RAB3B: variants seen among roughly 807,000 people sequenced by gnomAD.
The protein encoded by RAB3B is ras-related protein Rab-3B.
A neutral mutation model predicts 20.5 loss-of-function variants in RAB3B; 11 were observed. The ratio of observed to expected loss-of-function variants is 0.54; its 90% confidence interval spans 0.34 to 0.89. The LOEUF is 0.89. RAB3B is among the 40% of genes least tolerant of loss of function. The pLI is 0.02. For missense variants in RAB3B, 225 were observed against 280.9 expected, an observed-to-expected ratio of 0.80 and a Z score of 1.42; for synonymous variants, 99 against 106.3, an observed-to-expected ratio of 0.93 and a Z score of 0.42.
intron 2 of RAB3B, among the ~76,000 whole-genome samples, chr1:51,939,245 T>G (rs933668542): frequency 3.9e-5 from 6 of 152,252 alleles, no homozygotes; most frequent in Non-Finnish European, 7.3e-5. Context: ...TGCTTAAGCA[T>G]ATATAAAACA....
chr1:51,956,934 A>G (rs1684714941), intron 2 of RAB3B, among the ~76,000 whole-genome samples: 1 of 152,250 alleles, frequency 6.6e-6, no homozygotes, highest in African/African-American at 2.4e-5. Context: ...CCAGAAAGTC[A>G]AACTTCACAG....
At chr1:51,978,195 C>A (rs1685035562) in intron 1 of RAB3B, among the ~76,000 whole-genome samples, 1 of 152,202 alleles carries the variant, frequency 6.6e-6, no homozygotes, top group East Asian at 1.9e-4. Context: ...TTCATTCCTA[C>A]ATGTCTGGCT....
chr1:51,919,838 G>T lies in RAB3B; in HGVS notation c.*89C>A. Reference sequence around the variant, plus strand: ...GAGTGTGGGCAGTGTGTAACAGGGAGAGTGGGCTGAGAGCGGACAGTGTGT... The same window carrying T: ...GAGTGTGGGCAGTGTGTAACAGGGATAGTGGGCTGAGAGCGGACAGTGTGT... On this transcript the variant is annotated 3_prime_UTR_variant, in exon 5 of 5. Coordinates refer to ENST00000371655, the MANE Select transcript of RAB3B (RefSeq NM_002867.4). 2 of 1,306,276 alleles carry T rather than the reference G, an allele frequency of 1.5e-6. No homozygotes were observed. The highest frequency in any genetic ancestry group is 1.5e-5 in the South Asian group (1 of 68,564). 80.9% of individuals were successfully genotyped at this position (1,306,276 alleles called of 1,614,324 possible).
rs2124217631 is a variant in RAB3B at position 51,913,390 on chromosome 1, G to C, written c.*6537C>G. 6.6e-6 allele frequency: 1 copy of C among 152,196 alleles called. No homozygotes were observed. The highest frequency in any genetic ancestry group is 6.5e-5 in the Admixed American group (1 of 15,286). 9.4% of individuals were successfully genotyped at this position (152,196 alleles called of 1,614,324 possible). ...CTACCAGACTTAGTTTCAGAGGACT[G>C]AGGGTGCTTCCTGTGGTAGATTGAA... On this transcript the variant is annotated 3_prime_UTR_variant, in exon 5 of 5. Transcript: ENST00000371655.
Position 51,917,557 on chromosome 1 carries a change from AAGAG to A in RAB3B, c.*2366_*2369del, listed in dbSNP as rs1377943762. 2 of 152,020 alleles carry A rather than the reference AAGAG, an allele frequency of 1.3e-5. No individual in the cohort carries two copies. Among genetic ancestry groups the A allele is most frequent in the Non-Finnish European group, 1.5e-5 (1 of 68,004 alleles). The allele number at this position is 152,020 out of a possible 1,614,324, so 9.4% of individuals were successfully genotyped here. A position where few individuals can be genotyped will look rare whatever the true frequency, so the allele number is the denominator to read the frequency against. The stretch of plus-strand genomic sequence containing the variant: ...ACTCCTTTAAAAAAAAAAAGAGAGA[AAGAG>A]AGACAGAGAGACAGGGTCTTATTCT... On this transcript the variant is annotated 3_prime_UTR_variant, in exon 5 of 5. Transcript: ENST00000371655.
rs1684091774 is a variant in RAB3B at position 51,916,780 on chromosome 1, T to C, written c.*3147A>G. On this transcript the variant is annotated 3_prime_UTR_variant, in exon 5 of 5. Transcript: ENST00000371655. ...CCATGGGATCTGTTGCCTCAGAGAC[T>C]GACTCGCCTTTCCTGAGCATTAGAC... The C allele has an allele frequency of 6.6e-6, 1 of 152,256 alleles. No homozygotes were observed. The highest frequency in any genetic ancestry group is 6.5e-5 in the Admixed American group (1 of 15,286). 9.4% of individuals were successfully genotyped at this position (152,256 alleles called of 1,614,324 possible). A position where few individuals can be genotyped will look rare whatever the true frequency, so the allele number is the denominator to read the frequency against.
rs967291695 is a variant in RAB3B at position 51,915,115 on chromosome 1, G to C, written c.*4812C>G. ...AAAGAGCATGAGTCAGACAGAGGAG[G>C]GTTCAAATGATGCTAGTGGGTGACT... On this transcript the variant is annotated 3_prime_UTR_variant, in exon 5 of 5. Transcript: ENST00000371655. 2 of 152,136 alleles carry C rather than the reference G, an allele frequency of 1.3e-5. No individual in the cohort carries two copies. Among genetic ancestry groups the C allele is most frequent in the African/African-American group, 2.4e-5 (1 of 41,434 alleles). 9.4% of individuals were successfully genotyped at this position (152,136 alleles called of 1,614,324 possible). A position where few individuals can be genotyped will look rare whatever the true frequency, so the allele number is the denominator to read the frequency against.
chr1:51,919,039 A>G lies in RAB3B; in HGVS notation c.*888T>C, dbSNP rs2124227027. ...TCGCCCAGGCCGGACTGCGGACTGCAGTGGCGCAATCTCGGCTCACTGCAA... is the reference window on the plus strand; with the variant it reads ...TCGCCCAGGCCGGACTGCGGACTGCGGTGGCGCAATCTCGGCTCACTGCAA... On this transcript the variant is annotated 3_prime_UTR_variant, in exon 5 of 5. Coordinates refer to ENST00000371655, the MANE Select transcript of RAB3B (RefSeq NM_002867.4). The G allele has an allele frequency of 6.9e-6, 1 of 145,112 alleles. No homozygotes were observed. Among genetic ancestry groups the G allele is most frequent in the East Asian group, 2.0e-4 (1 of 5,126 alleles). The allele number at this position is 145,112 out of a possible 1,614,324, so 9.0% of individuals were successfully genotyped here.
chr1:51,951,356 T>C (rs1050515671), intron 2 of RAB3B, among the ~76,000 whole-genome samples: 8 of 152,258 alleles, frequency 5.3e-5, no homozygotes, highest in African/African-American at 1.9e-4. Flanking sequence ...CCAGTCTGAC[T>C]CCTTTCTTTT....
At chr1:51,944,329 A>T (rs1235975380) in intron 2 of RAB3B, among the ~76,000 whole-genome samples, 1 of 152,188 alleles carries the variant, frequency 6.6e-6, no homozygotes, top group East Asian at 1.9e-4. Flanking sequence ...CTTATTGACA[A>T]TGTGCCTGGT....
intron 4 of RAB3B, among the ~76,000 whole-genome samples, chr1:51,922,272 CAGTA>C (rs1416345561): frequency 6.6e-6 from 1 of 152,082 alleles, no homozygotes; most frequent in Non-Finnish European, 1.5e-5. Flanking sequence ...AGAGGCAGAC[CAGTA>C]AGTAAGTAAA....
intron 1 of RAB3B, among the ~76,000 whole-genome samples, chr1:51,979,983 G>A (rs1685065565): frequency 6.6e-6 from 1 of 152,034 alleles, no homozygotes; most frequent in Non-Finnish European, 1.5e-5. Context: ...GGAGCTTGTA[G>A]TGAGCTGAGA....
Position 51,916,170 on chromosome 1 carries a change from T to G in RAB3B, c.*3757A>C, listed in dbSNP as rs960275655. 1 of 152,216 alleles carries G rather than the reference T, an allele frequency of 6.6e-6. No individual in the cohort carries two copies. The highest frequency in any genetic ancestry group is 2.4e-5 in the African/African-American group (1 of 41,462). The allele number at this position is 152,216 out of a possible 1,614,324, so 9.4% of individuals were successfully genotyped here. ...GCTGCTGCCTTTCATTTGACAGAAA[T>G]GAGGTCACAGAGCAGGGCTGGGGAG... On this transcript the variant is annotated 3_prime_UTR_variant, in exon 5 of 5. Coordinates refer to ENST00000371655, the MANE Select transcript of RAB3B (RefSeq NM_002867.4).
At chr1:51,935,195 A>C (rs183444723) in intron 3 of RAB3B, among the ~76,000 whole-genome samples, 17 of 152,318 alleles carry the variant, frequency 1.1e-4, no homozygotes, top group Non-Finnish European at 2.1e-4. Flanking sequence ...TGACACTGAC[A>C]ACCTAACTCA....
chr1:51,980,043 C>G (rs1048482704), intron 1 of RAB3B, among the ~76,000 whole-genome samples: 1 of 151,550 alleles, frequency 6.6e-6, no homozygotes, highest in African/African-American at 2.4e-5. Context: ...CTCCACCCCC[C>G]CAAAAAAAAA....
At chr1:51,982,959 C>T (rs1216372373) in intron 1 of RAB3B, among the ~76,000 whole-genome samples, 1 of 152,090 alleles carries the variant, frequency 6.6e-6, no homozygotes, top group Admixed American at 6.6e-5. Flanking sequence ...CCTTCACATT[C>T]ACTCACCACT....
intron 2 of RAB3B, 24 bp from the exon 3 acceptor site, chr1:51,937,436 A>G: frequency 6.7e-7 from 1 of 1,494,456 alleles, no homozygotes; most frequent in Non-Finnish European, 9.1e-7. Context: ...GAAAAGAAAC[A>G]ATCTCTTAGA....
At chr1:51,986,352 G>A (rs1245791561) in intron 1 of RAB3B, among the ~76,000 whole-genome samples, 1 of 151,920 alleles carries the variant, frequency 6.6e-6, no homozygotes. Context: ...GGGTTTCACC[G>A]TGTTAGCCAG....
At chr1:51,935,259 C>G (rs1431253838) in intron 3 of RAB3B, among the ~76,000 whole-genome samples, 2 of 152,196 alleles carry the variant, frequency 1.3e-5, no homozygotes, top group African/African-American at 4.8e-5. Context: ...GTTGATCTTA[C>G]CACCAACCTT....
Sources: allele counts gnomAD v4.1 joint callset (sites outside exome capture counted in the v4.1 genomes callset), GRCh38; gene constraint gnomAD v4.1.1; transcripts MANE v1.5; gene names NCBI Gene and HGNC (gene_info 2026-07-23, HGNC 2026-07-21).